Variants in ATIC observed in about 807,000 individuals in gnomAD.
ATIC encodes bifunctional purine biosynthesis protein ATIC.
ATIC carries 64 observed loss-of-function variants against 72.5 expected under a neutral mutation model. That is an observed-to-expected ratio of 0.88 (90% CI 0.72 to 1.09). ATIC has a LOEUF of 1.09. Ranked by LOEUF, ATIC falls within the 50% of genes least tolerant of loss-of-function variation. The pLI is 0.00. For synonymous variants in ATIC, 281 were observed against 267.1 expected (o/e 1.05, Z -0.51); for missense variants, 787 against 732.4 (o/e 1.07, Z -0.86).
the ATIC span, among the ~76,000 whole-genome samples, chr2:215,360,161 C>T: frequency 2.6e-5 from 4 of 152,188 alleles, no homozygotes; most frequent in Admixed American, 2.6e-4. Context: ...TGGTCTCAAA[C>T]TCCTGACCTC....
intron 3 of ATIC, among the ~76,000 whole-genome samples, chr2:215,319,368 C>G (rs558289169): frequency 1.3e-5 from 2 of 152,048 alleles, no homozygotes; most frequent in East Asian, 1.9e-4. Flanking sequence ...GGCAACACCC[C>G]CCTTCTCTTT....
At chr2:215,319,551 A>AT (rs1004221612) in intron 3 of ATIC, 114 bp from the exon 4 acceptor site, 1,178 of 793,692 alleles carry the variant, frequency 1.5e-3, no homozygotes, top group Non-Finnish European at 1.9e-3. Context: ...AAAAAAATAA[A>AT]TTTTTTTTTT....
downstream of ATIC, chr2:215,349,899 C>G (rs866012501): frequency 2.1e-5 from 13 of 606,226 alleles, 2 homozygotes; most frequent in Admixed American, 3.6e-4. Context: ...CAGCACTGCC[C>G]GTGTGAAACA....
chr2:215,355,644 G>C, the ATIC span, among the ~76,000 whole-genome samples: 1 of 152,142 alleles, frequency 6.6e-6, no homozygotes, highest in Non-Finnish European at 1.5e-5. Flanking sequence ...ACTGTGCCAG[G>C]CACAAATTTA....
chr2:215,325,248 G>T lies in ATIC; in HGVS notation c.298G>T (p.Ala100Ser), dbSNP rs2052810259. Residue 100 changes from alanine to serine, a missense_variant, in exon 5 of 16, where the codon GCC (alanine) becomes TCC (serine). By Grantham distance (99) the Ala-to-Ser change is moderately conservative. Coordinates refer to ENST00000236959, the MANE Select transcript of ATIC (RefSeq NM_004044.7). ...TTCGTCTTTGTTTTATAGAGTTGTT[G>T]CCTGCAATCTCTATCCCTTTGTAAA... ...RLDFNLIRVV[A>S]CNLYPFVKTV... 5 of 1,612,932 alleles carry T rather than the reference G, an allele frequency of 3.1e-6. No individual in the cohort carries two copies. Among genetic ancestry groups the T allele is most frequent in the Admixed American group, 3.3e-5 (2 of 60,002 alleles).
chr2:215,334,657 G>C (rs1294562096), intron 9 of ATIC, among the ~76,000 whole-genome samples: 1 of 152,132 alleles, frequency 6.6e-6, no homozygotes, highest in Non-Finnish European at 1.5e-5. Context: ...AATCCAGCCT[G>C]CCACCCTGTT....
At chr2:215,330,965 G>A (rs922935597) in intron 7 of ATIC, among the ~76,000 whole-genome samples, 11 of 152,088 alleles carry the variant, frequency 7.2e-5, no homozygotes, top group African/African-American at 2.7e-4. Flanking sequence ...CTTTTTGTGG[G>A]TTGGTAGCTT....
At chr2:215,333,588 C>G in intron 9 of ATIC, 131 bp downstream of exon 9, 1 of 590,534 alleles carries the variant, frequency 1.7e-6, no homozygotes, top group Non-Finnish European at 2.9e-6. Context: ...AAATTAAGGA[C>G]TTCTATCTCT....
chr2:215,367,761 G>C, the ATIC span: 1 of 1,159,870 alleles, frequency 8.6e-7, no homozygotes. Flanking sequence ...CTTCATGTTT[G>C]GAAGAACCTG....
intron 15 of ATIC, 51 bp downstream of exon 15, chr2:215,349,300 C>G: frequency 2.5e-6 from 4 of 1,611,268 alleles, no homozygotes; most frequent in East Asian, 2.2e-5. Context: ...TATGTAGAAA[C>G]TGTTTCAGAA....
intron 10 of ATIC, among the ~76,000 whole-genome samples, chr2:215,335,388 G>C (rs1439784294): frequency 6.6e-6 from 1 of 152,170 alleles, no homozygotes; most frequent in Non-Finnish European, 1.5e-5. Context: ...TACCCCATCA[G>C]TTGAATACCA....
chr2:215,340,072 G>T (rs185751446), intron 12 of ATIC, among the ~76,000 whole-genome samples: 1 of 152,132 alleles, frequency 6.6e-6, no homozygotes, highest in African/African-American at 2.4e-5. Flanking sequence ...TCACTGCAAC[G>T]TGGATCTTCT....
the ATIC span, among the ~76,000 whole-genome samples, chr2:215,355,156 G>C: frequency 6.6e-6 from 1 of 152,052 alleles, no homozygotes; most frequent in Admixed American, 6.5e-5. Flanking sequence ...TGCTCTGTGA[G>C]GTGGTGTTTT....
chr2:215,337,770 A>C (rs1438663335), intron 11 of ATIC, among the ~76,000 whole-genome samples: 2 of 152,192 alleles, frequency 1.3e-5, no homozygotes, highest in Non-Finnish European at 1.5e-5. Context: ...ATATTTTCCA[A>C]AACCTGAGTC....
intron 12 of ATIC, among the ~76,000 whole-genome samples, chr2:215,340,131 T>C (rs2053003860): frequency 6.6e-6 from 1 of 152,202 alleles, no homozygotes; most frequent in Non-Finnish European, 1.5e-5. Context: ...TCAATGTTTT[T>C]ATATAGACAA....
chr2:215,355,723 A>G, the ATIC span, among the ~76,000 whole-genome samples: 2 of 152,238 alleles, frequency 1.3e-5, no homozygotes. Flanking sequence ...TTTAAAGTAT[A>G]ATTTTTATGC....
At chr2:215,362,057 C>G in the ATIC span, 2 of 1,613,842 alleles carry the variant, frequency 1.2e-6, no homozygotes, top group East Asian at 4.5e-5. Context: ...CCCAGGTCTG[C>G]GGCAGTTGTC....
intron 12 of ATIC, 96 bp from the exon 13 acceptor site, chr2:215,344,683 C>T (rs2053053702): frequency 8.0e-7 from 1 of 1,257,548 alleles, no homozygotes; most frequent in East Asian, 2.5e-5. Flanking sequence ...GACTCTGACT[C>T]AAAAAAACCA....
In ATIC at chr2:215,312,590, GC is replaced by G; in HGVS notation, c.113del (p.Ala38GlufsTer17). 1 of 1,614,230 alleles carries G rather than the reference GC, an allele frequency of 6.2e-7. No homozygotes were observed. The highest frequency in any genetic ancestry group is 8.5e-7 in the Non-Finnish European group (1 of 1,180,034). On this transcript the variant is annotated frameshift_variant, in exon 2 of 16. Transcript: ENST00000236959. LOFTEE classifies it high-confidence loss of function. ...GAATCTGGTCGCTTCCGGAGGGACT[GC>G]AAAAGCTCTCAGGGATGCTGGTCTG... is the stretch of plus-strand genomic sequence containing the variant. ...GLNLVASGGT[A>X]KALRDAGLAV... is the part of the protein sequence containing the mutation.
Sources: allele counts gnomAD v4.1 joint callset (sites outside exome capture counted in the v4.1 genomes callset), GRCh38; gene constraint gnomAD v4.1.1; transcripts MANE v1.5; gene names NCBI Gene and HGNC (gene_info 2026-07-23, HGNC 2026-07-21).